The following MCTP1 variants were observed in gnomAD, a reference collection of about 807,000 sequenced individuals.
MCTP1 encodes the protein multiple C2 and transmembrane domain containing 1.
Under a neutral mutation model 120.6 loss-of-function variants are expected in MCTP1, and 69 were observed. That is an observed-to-expected ratio of 0.57 (90% CI 0.47 to 0.70). The LOEUF (loss-of-function observed/expected upper bound fraction) is 0.70, where lower values mean the gene tolerates loss of function less well. Ranked by LOEUF, MCTP1 falls within the 30% of genes least tolerant of loss-of-function variation. The pLI, the probability that MCTP1 is intolerant of heterozygous loss-of-function variation, is 0.00. For missense variants in MCTP1, 1,203 were observed against 1,248.8 expected (o/e 0.96, Z 0.55); for synonymous variants, 529 against 493.1 (o/e 1.07, Z -0.96).
intron 2 of MCTP1, among the ~76,000 whole-genome samples, chr5:95,006,707 C>T (rs950705166): frequency 6.6e-6 from 1 of 152,114 alleles, no homozygotes; most frequent in African/African-American, 2.4e-5. Flanking sequence ...CTTTCTGAAA[C>T]CTGCTCAGAG....
At chr5:95,182,135 CA>C (rs1748668935) in intron 1 of MCTP1, among the ~76,000 whole-genome samples, 1 of 152,008 alleles carries the variant, frequency 6.6e-6, no homozygotes, top group African/African-American at 2.4e-5. Flanking sequence ...GCTCTATAAC[CA>C]AAGGAACTCA....
chr5:95,203,822 C>T (rs1207107479), intron 1 of MCTP1, among the ~76,000 whole-genome samples: 1 of 152,208 alleles, frequency 6.6e-6, no homozygotes, highest in Non-Finnish European at 1.5e-5. Flanking sequence ...AATTAACATG[C>T]CTCTTAATGC....
At chr5:95,097,619 T>C (rs1756371376) in intron 1 of MCTP1, among the ~76,000 whole-genome samples, 2 of 152,216 alleles carry the variant, frequency 1.3e-5, no homozygotes, top group Admixed American at 6.5e-5. Flanking sequence ...CATGGGAAGT[T>C]TCTCATCTCT....
intron 1 of MCTP1, among the ~76,000 whole-genome samples, chr5:95,205,599 C>G (rs1202045709): frequency 6.6e-6 from 1 of 152,106 alleles, no homozygotes; most frequent in East Asian, 1.9e-4. Context: ...TGATAAGGGA[C>G]TTGTATCTAG....
rs761118772 is a variant in MCTP1, at chr5:94,924,001, C to T, written c.1233G>A (p.Val411=). 37 of 1,510,860 alleles carry T rather than the reference C, an allele frequency of 2.4e-5. No individual in the cohort carries two copies. The South Asian group carries it at 2.5e-4, about 10-fold the overall frequency. The allele number at this position is 1,510,860 out of a possible 1,614,324, so 93.6% of individuals were successfully genotyped here. A position where few individuals can be genotyped will look rare whatever the true frequency, so the allele number is the denominator to read the frequency against. ...ACTTCACAGAGAAATAAGATCCAACCACTTCATTTTCTGAAAGTTCCTAGA... is the reference window on the plus strand; with the variant it reads ...ACTTCACAGAGAAATAAGATCCAACTACTTCATTTTCTGAAAGTTCCTAGA... ...RSSKELSENE[V]VGSYFSVKSL... The change falls in exon 7 of 23, where the codon GTG becomes GTA. Residue 411 remains valine (V), a synonymous_variant. Coordinates refer to ENST00000515393, the MANE Select transcript of MCTP1 (RefSeq NM_024717.7).
intron 6 of MCTP1, 78 bp from the exon 7 acceptor site, chr5:94,924,099 A>T (rs1192224684): frequency 1.2e-6 from 1 of 863,306 alleles, no homozygotes; most frequent in African/African-American, 1.8e-5. Context: ...AACAAATAAA[A>T]TCAAAGCAAA....
chr5:95,003,834 A>T (rs1834173906), intron 2 of MCTP1, among the ~76,000 whole-genome samples: 1 of 152,192 alleles, frequency 6.6e-6, no homozygotes, highest in Non-Finnish European at 1.5e-5. Context: ...CTAATCCAGA[A>T]AATTGGTACC....
intron 19 of MCTP1, among the ~76,000 whole-genome samples, chr5:94,744,175 C>T (rs1189393011): frequency 6.6e-6 from 1 of 152,110 alleles, no homozygotes; most frequent in African/African-American, 2.4e-5. Context: ...TGCCATGTTG[C>T]CCAGGCTGGT....
At chr5:94,843,435 T>A (rs986236880) in intron 17 of MCTP1, among the ~76,000 whole-genome samples, 6 of 152,188 alleles carry the variant, frequency 3.9e-5, no homozygotes, top group Admixed American at 3.9e-4. Flanking sequence ...GGTGATGGGA[T>A]GTAGGCGATT....
At chr5:94,928,247 G>C (rs1371076424) in intron 6 of MCTP1, among the ~76,000 whole-genome samples, 1 of 109,964 alleles carries the variant, frequency 9.1e-6, no homozygotes, top group Non-Finnish European at 2.0e-5. Context: ...CACACACGAT[G>C]TAATGTAAAA....
At chr5:95,087,195 C>A (rs1755500446) in intron 1 of MCTP1, among the ~76,000 whole-genome samples, 1 of 152,188 alleles carries the variant, frequency 6.6e-6, no homozygotes, top group Admixed American at 6.5e-5. Context: ...CCCTCTAGGA[C>A]TTGCAAACCA....
intron 1 of MCTP1, among the ~76,000 whole-genome samples, chr5:95,083,749 T>C (rs769421298): frequency 4.6e-5 from 7 of 152,174 alleles, no homozygotes; most frequent in Non-Finnish European, 1.0e-4. Flanking sequence ...CCAGATACTG[T>C]TATGCATTAA....
chr5:95,124,647 T>C (rs1758490109), intron 1 of MCTP1, among the ~76,000 whole-genome samples: 1 of 152,162 alleles, frequency 6.6e-6, no homozygotes, highest in South Asian at 2.1e-4. Context: ...GGGGGTAAAG[T>C]CCTATCCCAG....
intron 17 of MCTP1, among the ~76,000 whole-genome samples, chr5:94,815,102 G>T (rs1351265761): frequency 1.3e-5 from 2 of 152,152 alleles, no homozygotes; most frequent in Non-Finnish European, 2.9e-5. Context: ...CCTCCCTTAG[G>T]TTGGTTGGGT....
At chr5:94,756,885 C>CT (rs375357568) in intron 19 of MCTP1, among the ~76,000 whole-genome samples, 24 of 151,352 alleles carry the variant, frequency 1.6e-4, no homozygotes, top group South Asian at 1.5e-3. Flanking sequence ...GAATTTATGA[C>CT]TTTTTTTTTG....
intron 1 of MCTP1, among the ~76,000 whole-genome samples, chr5:95,128,861 C>A (rs1758824588): frequency 6.6e-6 from 1 of 152,070 alleles, no homozygotes; most frequent in Admixed American, 6.6e-5. Context: ...AAGCTGTTTA[C>A]AAAAAAGTGT....
chr5:94,943,342 G>A (rs931678130), intron 3 of MCTP1, among the ~76,000 whole-genome samples: 1 of 152,072 alleles, frequency 6.6e-6, no homozygotes, highest in Non-Finnish European at 1.5e-5. Context: ...GCCCAGGAGA[G>A]GGACTGATGT....
intron 1 of MCTP1, among the ~76,000 whole-genome samples, chr5:95,183,401 T>C (rs1369643247): frequency 6.6e-6 from 1 of 151,206 alleles, no homozygotes; most frequent in Non-Finnish European, 1.5e-5. Flanking sequence ...AAATATAATT[T>C]ATATTTATTA....
chr5:95,173,742 G>C (rs1274020677), intron 1 of MCTP1, among the ~76,000 whole-genome samples: 1 of 151,598 alleles, frequency 6.6e-6, no homozygotes, highest in Non-Finnish European at 1.5e-5. Flanking sequence ...AGACATTTAG[G>C]GAAAGCCACC....
Sources: allele counts gnomAD v4.1 joint callset (sites outside exome capture counted in the v4.1 genomes callset), GRCh38; gene constraint gnomAD v4.1.1; transcripts MANE v1.5; gene names NCBI Gene and HGNC (gene_info 2026-07-23, HGNC 2026-07-21).